Variants in FAM227B observed in about 807,000 individuals in gnomAD.
FAM227B encodes the protein family with sequence similarity 227 member B.
A neutral mutation model predicts 73.8 loss-of-function variants in FAM227B; 88 were observed. That is an observed-to-expected ratio of 1.19 (90% CI 1.00 to 1.42). The LOEUF (loss-of-function observed/expected upper bound fraction) is 1.42, where lower values mean the gene tolerates loss of function less well. FAM227B is among the 40% of genes most tolerant of loss of function. FAM227B has a pLI of 0.00. For synonymous variants in FAM227B, 210 were observed against 190.5 expected (o/e 1.10, Z -0.84); for missense variants, 632 against 590.9 (o/e 1.07, Z -0.72).
chr15:49,466,460 G>A (rs2054276387), intron 11 of FAM227B, among the ~76,000 whole-genome samples: 1 of 152,188 alleles, frequency 6.6e-6, no homozygotes, highest in Non-Finnish European at 1.5e-5. Context: ...AGAAAATTAT[G>A]TAGGCTGGAG....
chr15:49,562,612 A>G (rs968984229), intron 9 of FAM227B, among the ~76,000 whole-genome samples: 17 of 152,234 alleles, frequency 1.1e-4, no homozygotes, highest in African/African-American at 3.6e-4. Context: ...ACAAAATTCT[A>G]GCAAACAAAA....
At chr15:49,357,927 T>C (rs543145984) in intron 13 of FAM227B, among the ~76,000 whole-genome samples, 6,994 of 151,902 alleles carry the variant, frequency 0.046, 225 homozygotes, top group Middle Eastern at 0.12. Flanking sequence ...GCAAGGCTGG[T>C]TCAATATACA....
rs953094701 is a variant in FAM227B, at chr15:49,583,745, T to A, written c.405+4271A>T. On this transcript the variant is annotated intron_variant, in intron 5 of 15. Transcript: ENST00000299338. ...AATACTATAAGCACCTCTGTCCACA[T>A]AAACTAGAAAATCTGGAAGAAACTG... Among the ~76,000 whole-genome samples, 130 of 151,328 alleles carry A rather than the reference T, an allele frequency of 8.6e-4. 1 individual carries two copies. Among genetic ancestry groups the A allele is most frequent in the African/African-American group, 3.1e-3 (128 of 41,224 alleles).
intron 3 of FAM227B, among the ~76,000 whole-genome samples, chr15:49,606,986 G>C (rs1162301480): frequency 6.6e-6 from 1 of 152,306 alleles, no homozygotes; most frequent in Non-Finnish European, 1.5e-5. Flanking sequence ...TTTTGGGATG[G>C]TGGGAGACTT....
chr15:49,615,329 C>A, intron 1 of FAM227B, 86 bp from the exon 2 acceptor site: 2 of 674,184 alleles, frequency 3.0e-6, no homozygotes, highest in East Asian at 5.2e-5. Flanking sequence ...TCACTTCTGA[C>A]TTTTACCAAG....
intron 5 of FAM227B, among the ~76,000 whole-genome samples, chr15:49,585,524 G>C (rs1352692299): frequency 3.3e-5 from 5 of 152,284 alleles, no homozygotes; most frequent in East Asian, 3.9e-4. Context: ...AAAAAATGAT[G>C]AGTTCATGTC....
At chr15:49,378,976 C>T (rs1246022503) in intron 11 of FAM227B, among the ~76,000 whole-genome samples, 1 of 151,804 alleles carries the variant, frequency 6.6e-6, no homozygotes, top group Admixed American at 6.6e-5. Flanking sequence ...TCCTGCTATT[C>T]CCAGTTTTTT....
intron 12 of FAM227B, among the ~76,000 whole-genome samples, chr15:49,370,934 C>T (rs2045762332): frequency 6.6e-6 from 1 of 152,188 alleles, no homozygotes; most frequent in South Asian, 2.1e-4. Context: ...GACAGGTCAA[C>T]TATTGTTGAT....
At chr15:49,390,773 A>G (rs1332478420) in intron 11 of FAM227B, among the ~76,000 whole-genome samples, 1 of 152,148 alleles carries the variant, frequency 6.6e-6, no homozygotes, top group East Asian at 1.9e-4. Flanking sequence ...ACATAATTAA[A>G]TACATATACA....
At chr15:49,498,201 GT>G (rs1404833196) in intron 11 of FAM227B, among the ~76,000 whole-genome samples, 1 of 152,134 alleles carries the variant, frequency 6.6e-6, no homozygotes, top group Non-Finnish European at 1.5e-5. Context: ...ACGTGAAGTG[GT>G]TATGAGTTCA....
chr15:49,575,201 A>T lies in FAM227B; in HGVS notation c.547-92T>A, dbSNP rs147623332. 118 of 664,208 alleles carry T rather than the reference A, an allele frequency of 1.8e-4. 1 individual carries two copies. In the East Asian group the frequency reaches 2.9e-3, roughly 16 times the overall value. The allele number at this position is 664,208 out of a possible 1,614,324, so 41.1% of individuals were successfully genotyped here. On this transcript the variant is annotated intron_variant, in intron 7 of 15. Coordinates refer to ENST00000299338, the MANE Select transcript of FAM227B (RefSeq NM_152647.3). ...TAGGCTTTATAAAGAGTATGCTTTC[A>T]TTGCTTATAGATCAGCACTGTCCAA...
chr15:49,354,539 C>G (rs573926964), intron 13 of FAM227B, among the ~76,000 whole-genome samples: 2 of 152,152 alleles, frequency 1.3e-5, no homozygotes, highest in Admixed American at 6.5e-5. Context: ...CTTTTCCGAC[C>G]GGCTTAAAAA....
In FAM227B at chr15:49,424,487, A is replaced by G; in HGVS notation, c.1013-53088T>C. ...TTATGATTACATGGAAGGAGGGGAT[A>G]TAAGAGTGAGAAGACTCTTCTGTCG... On this transcript the variant is annotated intron_variant, in intron 11 of 15. Transcript: ENST00000299338. 1 of 1,613,594 alleles carries G rather than the reference A, an allele frequency of 6.2e-7. No homozygotes were observed. The highest frequency in any genetic ancestry group is 8.5e-7 in the Non-Finnish European group (1 of 1,179,658).
At chr15:49,596,740 T>C (rs945693160) in intron 3 of FAM227B, among the ~76,000 whole-genome samples, 4 of 151,892 alleles carry the variant, frequency 2.6e-5, no homozygotes, top group Non-Finnish European at 5.9e-5. Flanking sequence ...ACCTAACACA[T>C]AAAGACTCAC....
At chr15:49,573,243 A>ATC (rs34585592) in intron 8 of FAM227B, among the ~76,000 whole-genome samples, 106,675 of 151,808 alleles carry the variant, frequency 0.7, 37,799 homozygotes, top group East Asian at 0.92. Context: ...TTTTCTAGAT[A>ATC]TGTTATTATT....
At chr15:49,360,602 C>T (rs1363366433) in intron 13 of FAM227B, among the ~76,000 whole-genome samples, 3 of 152,030 alleles carry the variant, frequency 2.0e-5, no homozygotes, top group African/African-American at 7.2e-5. Flanking sequence ...ATTAGCAGCT[C>T]TAAATACATT....
At chr15:49,380,223 C>T (rs1202507795) in intron 11 of FAM227B, among the ~76,000 whole-genome samples, 2 of 152,206 alleles carry the variant, frequency 1.3e-5, no homozygotes, top group Non-Finnish European at 2.9e-5. Context: ...CCCACAAGCT[C>T]TTCAGTCAGT....
chr15:49,454,632 C>T (rs190728519), intron 11 of FAM227B, among the ~76,000 whole-genome samples: 3 of 152,166 alleles, frequency 2.0e-5, no homozygotes, highest in East Asian at 1.9e-4. Context: ...TTTTTTGAGA[C>T]GAAGTCTCGC....
At chr15:49,607,179 C>T (rs1392501633) in intron 3 of FAM227B, among the ~76,000 whole-genome samples, 1 of 152,022 alleles carries the variant, frequency 6.6e-6, no homozygotes, top group Non-Finnish European at 1.5e-5. Flanking sequence ...ATTAACTGTG[C>T]TAATAGTAAG....
Sources: gnomAD v4.1 joint callset for allele counts (sites outside exome capture counted in the v4.1 genomes callset) on GRCh38, gnomAD v4.1.1 for gene constraint, MANE v1.5 for transcripts, NCBI Gene and HGNC (gene_info 2026-07-23, HGNC 2026-07-21) for gene names.